Variants in DLGAP2 observed in about 807,000 individuals in gnomAD.
DLGAP2 encodes the protein DLG associated protein 2, also known as disks large-associated protein 2.
A neutral mutation model predicts 100.3 loss-of-function variants in DLGAP2; 26 were observed. The observed-to-expected ratio is 0.26, with a 90% confidence interval of 0.19 to 0.36. The LOEUF (loss-of-function observed/expected upper bound fraction) is 0.36. Ranked by LOEUF, DLGAP2 falls within the 10% of genes least tolerant of loss-of-function variation. The pLI, the probability that DLGAP2 is intolerant of heterozygous loss-of-function variation, is 1.00. For synonymous variants in DLGAP2, 886 were observed against 630.1 expected, an observed-to-expected ratio of 1.41 and a Z score of -6.08; for missense variants, 1,858 against 1,453.2, an observed-to-expected ratio of 1.28 and a Z score of -4.53.
At chr8:1,317,389 G>A (rs1800782526) in intron 3 of DLGAP2, among the ~76,000 whole-genome samples, 1 of 139,796 alleles carries the variant, frequency 7.2e-6, no homozygotes, top group African/African-American at 2.8e-5. Context: ...AATAGAGCCT[G>A]TGCGAGTGCA....
At chr8:1,254,993 T>TCTTCTCCTGCCCGGCCGCTGTGTGTGTGC (rs1799149619) in intron 2 of DLGAP2, among the ~76,000 whole-genome samples, 1 of 86,868 alleles carries the variant, frequency 1.2e-5, no homozygotes, top group African/African-American at 5.3e-5. Context: ...TGTGTGTGTG[T>TCTTCTCCTGCCCGGCCGCTGTGTGTGTGC]CCTCTCATCC....
At chr8:1,143,834 T>G (rs1796561731) in intron 2 of DLGAP2, among the ~76,000 whole-genome samples, 1 of 152,232 alleles carries the variant, frequency 6.6e-6, no homozygotes, top group African/African-American at 2.4e-5. Context: ...CCTCCTGACC[T>G]GCACCTGTGC....
chr8:813,894 G>A (rs1278497442), intron 1 of DLGAP2, among the ~76,000 whole-genome samples: 1 of 152,148 alleles, frequency 6.6e-6, no homozygotes, highest in Non-Finnish European at 1.5e-5. Flanking sequence ...CCAGAAGCAG[G>A]ACTCCTGTCT....
chr8:1,043,659 C>T (rs1802437249), intron 2 of DLGAP2, among the ~76,000 whole-genome samples: 1 of 151,934 alleles, frequency 6.6e-6, no homozygotes, highest in Non-Finnish European at 1.5e-5. Flanking sequence ...GCTGCCTTTT[C>T]AGGGAGGGCT....
At chr8:1,312,387 A>G (rs1800633315) in intron 3 of DLGAP2, among the ~76,000 whole-genome samples, 1 of 152,218 alleles carries the variant, frequency 6.6e-6, no homozygotes, top group African/African-American at 2.4e-5. Flanking sequence ...AGTTAAGAGA[A>G]TGAAATGACA....
chr8:1,429,382 T>C (rs1363372763), intron 3 of DLGAP2, among the ~76,000 whole-genome samples: 1 of 152,166 alleles, frequency 6.6e-6, no homozygotes, highest in East Asian at 1.9e-4. Flanking sequence ...GTTAACACTG[T>C]AGTGGCTGCT....
chr8:1,203,248 A>G (rs955856607), intron 2 of DLGAP2, among the ~76,000 whole-genome samples: 3 of 152,124 alleles, frequency 2.0e-5, no homozygotes, highest in Non-Finnish European at 2.9e-5. Flanking sequence ...GTTAGAATCC[A>G]TGAGACTAGT....
intron 14 of DLGAP2, among the ~76,000 whole-genome samples, chr8:1,699,580 C>G (rs1434549357): frequency 1.3e-5 from 2 of 151,850 alleles, no homozygotes; most frequent in African/African-American, 4.8e-5. Flanking sequence ...TGCCACTGCA[C>G]TGCAGCCTAG....
At chr8:1,277,011 ATTTACTGAAT>A (rs1373511127) in intron 3 of DLGAP2, among the ~76,000 whole-genome samples, 1 of 152,044 alleles carries the variant, frequency 6.6e-6, no homozygotes, top group Non-Finnish European at 1.5e-5. Flanking sequence ...GTCCACTGTG[ATTTACTGAAT>A]TGGTCCCCTT....
intron 2 of DLGAP2, among the ~76,000 whole-genome samples, chr8:1,048,409 T>G: frequency 6.6e-6 from 1 of 152,124 alleles, no homozygotes; most frequent in East Asian, 1.9e-4. Context: ...CAGTAAGTGC[T>G]GATTCTAAAA....
intron 2 of DLGAP2, among the ~76,000 whole-genome samples, chr8:1,097,660 G>A (rs907258950): frequency 7.2e-6 from 1 of 139,206 alleles, no homozygotes. Flanking sequence ...GGGAGCCCGG[G>A]GCAGGCCTTC....
intron 1 of DLGAP2, among the ~76,000 whole-genome samples, chr8:864,696 G>A (rs1013740571): frequency 2.6e-5 from 4 of 152,144 alleles, no homozygotes; most frequent in Non-Finnish European, 4.4e-5. Flanking sequence ...ACCTTTTGCC[G>A]TTGCACAATG....
At position 1,678,607 on chromosome 8, in the gene DLGAP2, G is replaced by A. The variant is rs1456231800; in HGVS notation, c.2682G>A (p.Glu894=). Residue 894 remains glutamate (E), a synonymous_variant, in exon 12 of 15, where the codon GAG becomes GAA. Coordinates refer to ENST00000637795, the MANE Select transcript of DLGAP2 (RefSeq NM_001346810.2). ...GCAAAGAGATGGAGAGAGAGGCGGA[G>A]GAGAACGACCTCTCGGAGGAAAGTA... ...GWCKEMEREA[E]ENDLSEEILG... The A allele has an allele frequency of 6.4e-7, 1 of 1,559,842 alleles. No individual in the cohort carries two copies. Among genetic ancestry groups the A allele is most frequent in the Non-Finnish European group, 8.7e-7 (1 of 1,151,248 alleles).
chr8:1,468,611 G>C (rs1397474814), intron 3 of DLGAP2, among the ~76,000 whole-genome samples: 1 of 152,228 alleles, frequency 6.6e-6, no homozygotes. Context: ...CACCCTTGAA[G>C]GAAACCTGGG....
At position 917,572 on chromosome 8, in the gene DLGAP2, G is replaced by A. The variant is rs377436123; in HGVS notation, c.73+9606G>A. Among the ~76,000 whole-genome samples the A allele has an allele frequency of 2.8e-4, 42 of 151,744 alleles. No homozygotes were observed. In the South Asian group the frequency reaches 6.1e-3, roughly 22 times the overall value. On this transcript the variant is annotated intron_variant, in intron 2 of 14. Coordinates refer to ENST00000637795, the MANE Select transcript of DLGAP2 (RefSeq NM_001346810.2). ...TTTGTTATTGTTGTTACTGGACAGC[G>A]TCTCCAGAATATTCTTTTGTTGTTG...
chr8:775,384 G>C (rs1409913636), intron 1 of DLGAP2, among the ~76,000 whole-genome samples: 1 of 148,096 alleles, frequency 6.8e-6, no homozygotes. Context: ...TTCCAACACT[G>C]TGTTGAATAG....
At chr8:801,523 CGGAA>C (rs2132655575) in intron 1 of DLGAP2, among the ~76,000 whole-genome samples, 1 of 152,318 alleles carries the variant, frequency 6.6e-6, no homozygotes, top group Non-Finnish European at 1.5e-5. Flanking sequence ...GGTGAGATCA[CGGAA>C]TGCTGAAAGG....
At chr8:1,266,226 A>G (rs916486110) in intron 3 of DLGAP2, among the ~76,000 whole-genome samples, 1 of 152,138 alleles carries the variant, frequency 6.6e-6, no homozygotes, top group African/African-American at 2.4e-5. Flanking sequence ...ACAAAGTTTA[A>G]TTTTTTGCTT....
intron 2 of DLGAP2, among the ~76,000 whole-genome samples, chr8:1,125,761 T>G (rs768365362): frequency 2.0e-5 from 3 of 152,206 alleles, no homozygotes; most frequent in Admixed American, 2.0e-4. Flanking sequence ...GAAACCAGTG[T>G]TTGGGAATTT....
Sources: allele counts gnomAD v4.1 joint callset (sites outside exome capture counted in the v4.1 genomes callset), GRCh38; gene constraint gnomAD v4.1.1; transcripts MANE v1.5; gene names NCBI Gene and HGNC (gene_info 2026-07-23, HGNC 2026-07-21).